The following ZIC2 variants were observed in gnomAD, a reference collection of about 807,000 sequenced individuals.
The protein encoded by ZIC2 is zinc finger protein ZIC 2.
In ZIC2, 7 loss-of-function variants were observed where a neutral mutation model predicts 29.5. That is an observed-to-expected ratio of 0.24 (90% CI 0.14 to 0.45). The LOEUF (loss-of-function observed/expected upper bound fraction) is 0.45, where lower values mean the gene tolerates loss of function less well. Among genes scored for constraint, ZIC2 ranks in the 20% least tolerant of loss-of-function variants. ZIC2 has a pLI of 1.00. For missense variants in ZIC2, 589 were observed against 781.2 expected, an observed-to-expected ratio of 0.75 and a Z score of 2.93; for synonymous variants, 408 against 354.2, an observed-to-expected ratio of 1.15 and a Z score of -1.70.
Position 99,985,783 on chromosome 13 carries a change from T to A in ZIC2, c.*101T>A, listed in dbSNP as rs1284587074. ...CCTTGTGATCATGTTGTTAAAATTATGAATCTGATTTTTATGATGATGAAA... is the reference window on the plus strand; with the variant it reads ...CCTTGTGATCATGTTGTTAAAATTAAGAATCTGATTTTTATGATGATGAAA... On this transcript the variant is annotated 3_prime_UTR_variant, in exon 3 of 3. Coordinates refer to ENST00000376335, the MANE Select transcript of ZIC2 (RefSeq NM_007129.5). This position sits in a 1 kb window ranked among gnomAD's most constrained non-coding sequence, Gnocchi z 6.3. 3.2e-6 allele frequency: 2 copies of A among 620,582 alleles called. No homozygotes were observed. The highest frequency in any genetic ancestry group is 4.5e-6 in the Non-Finnish European group (2 of 449,152). 38.4% of individuals were successfully genotyped at this position (620,582 alleles called of 1,614,324 possible).
chr13:99,983,271 C>A lies in ZIC2; in HGVS notation c.1075+132C>A. The A allele has an allele frequency of 1.7e-6, 2 of 1,210,174 alleles. No homozygotes were observed. Among genetic ancestry groups the A allele is most frequent in the Non-Finnish European group, 1.1e-6 (1 of 880,182 alleles). The allele number at this position is 1,210,174 out of a possible 1,614,324, so 75.0% of individuals were successfully genotyped here. ...GGGATGGGAGGTGTTTTTGCGTGTA[C>A]GAAAGAGCCAGCAGCTTGTTTCTGT... On this transcript the variant is annotated intron_variant, in intron 1 of 2. Coordinates refer to ENST00000376335, the MANE Select transcript of ZIC2 (RefSeq NM_007129.5). This position sits in a 1 kb window ranked among gnomAD's most constrained non-coding sequence, Gnocchi z 4.7.
At position 99,985,435 on chromosome 13, in the gene ZIC2, C is replaced by T. The variant is rs752965358; in HGVS notation, c.1352C>T (p.Ser451Phe). 2.0e-6 allele frequency: 3 copies of T among 1,493,076 alleles called. No individual in the cohort carries two copies. The highest frequency in any genetic ancestry group is 2.7e-6 in the Non-Finnish European group (3 of 1,130,128). 92.5% of individuals were successfully genotyped at this position (1,493,076 alleles called of 1,614,324 possible). A position where few individuals can be genotyped will look rare whatever the true frequency, so the allele number is the denominator to read the frequency against. Reference sequence around the variant, plus strand: ...CCCAGCGCCGAGCCCCAGAGCAGCTCCAACCTGTCCCCAGCGGCGGCGGCA... The same window carrying T: ...CCCAGCGCCGAGCCCCAGAGCAGCTTCAACCTGTCCCCAGCGGCGGCGGCA... ...VSPSAEPQSS[S>F]NLSPAAAAAA... The change falls in exon 3 of 3, where the codon TCC becomes TTC. Residue 451 changes from serine (S) to phenylalanine (F), a missense_variant. Ser to Phe is a radical substitution (Grantham distance 155). This residue lies in a region of ZIC2 where 135 missense variants were observed against 136.7 expected (regional missense o/e 0.99). Coordinates refer to ENST00000376335, the MANE Select transcript of ZIC2 (RefSeq NM_007129.5). The surrounding 1 kb of genome is among the most constrained non-coding windows in gnomAD (Gnocchi z 6.3).
rs2053257765 is a variant in ZIC2 at position 99,985,181 on chromosome 13, C to CA, written c.1239+73dup. The stretch of plus-strand genomic sequence containing the variant: ...GGTGCAGCACTGGCCCGGACCACCT[C>CA]AGCCGGCCTGGGAGGGTCCCCAGGG... On this transcript the variant is annotated intron_variant, in intron 2 of 2. Transcript: ENST00000376335. The surrounding 1 kb of genome is among the most constrained non-coding windows in gnomAD (Gnocchi z 6.3). The CA allele has an allele frequency of 8.7e-6, 14 of 1,610,568 alleles. No homozygotes were observed. In the Admixed American group the frequency reaches 2.2e-4, roughly 25 times the overall value.
At position 99,982,659 on chromosome 13, in the gene ZIC2, A is replaced by T; in HGVS notation, c.595A>T (p.Ser199Cys). The change falls in exon 1 of 3, where the codon AGC becomes TGC. Residue 199 changes from serine to cysteine, a missense_variant. Ser to Cys is a moderately radical substitution (Grantham distance 112). Around this residue, in one of 7 missense-constraint regions of ZIC2, gnomAD observed 358 missense variants for 382.0 expected, o/e 0.94. Transcript: ENST00000376335. ...GRSEQYRQVA[S>C]PRTDPYSAAQ... ...CTCGGAGCAATACCGCCAGGTGGCC[A>T]GCCCGCGGACCGACCCCTACTCGGC... 1 of 1,599,522 alleles carries T rather than the reference A, an allele frequency of 6.3e-7. No homozygotes were observed. Among genetic ancestry groups the T allele is most frequent in the Non-Finnish European group, 8.5e-7 (1 of 1,179,228 alleles).
At position 99,985,248 on chromosome 13, in the gene ZIC2, C is replaced by T. The variant is rs1594291960; in HGVS notation, c.1240-75C>T. 6 of 1,603,104 alleles carry T rather than the reference C, an allele frequency of 3.7e-6. No homozygotes were observed. The South Asian group carries it at 6.6e-5, about 18-fold the overall frequency. Reference sequence around the variant, plus strand: ...GAACATTTCTGGGGGTGCTCTCCCCCAGGGGCCCGGCCCCACAGCAGCTGC... The same window carrying T: ...GAACATTTCTGGGGGTGCTCTCCCCTAGGGGCCCGGCCCCACAGCAGCTGC... On this transcript the variant is annotated intron_variant, in intron 2 of 2. Coordinates refer to ENST00000376335, the MANE Select transcript of ZIC2 (RefSeq NM_007129.5). This position sits in a 1 kb window ranked among gnomAD's most constrained non-coding sequence, Gnocchi z 6.3.
chr13:99,983,258 G>T lies in ZIC2; in HGVS notation c.1075+119G>T. 7.5e-7 allele frequency: 1 copy of T among 1,340,466 alleles called. No individual in the cohort carries two copies. 83.0% of individuals were successfully genotyped at this position (1,340,466 alleles called of 1,614,324 possible). On this transcript the variant is annotated intron_variant, in intron 1 of 2. Coordinates refer to ENST00000376335, the MANE Select transcript of ZIC2 (RefSeq NM_007129.5). This position sits in a 1 kb window ranked among gnomAD's most constrained non-coding sequence, Gnocchi z 4.7. ...CAGCCGGGGACCTGGGATGGGAGGT[G>T]TTTTTGCGTGTACGAAAGAGCCAGC... is the stretch of plus-strand genomic sequence containing the variant.
Position 99,985,929 on chromosome 13 carries a change from A to G in ZIC2, c.*247A>G, listed in dbSNP as rs2053266439. On this transcript the variant is annotated 3_prime_UTR_variant, in exon 3 of 3. Transcript: ENST00000376335. The surrounding 1 kb of genome is among the most constrained non-coding windows in gnomAD (Gnocchi z 6.3). ...GCTGAAAATATAAAACAAATAAAAA[A>G]TAAAAAAATAAAAACCCACAAAAAT... is the stretch of plus-strand genomic sequence containing the variant. 2.7e-6 allele frequency: 1 copy of G among 370,380 alleles called. No homozygotes were observed. The highest frequency in any genetic ancestry group is 3.8e-5 in the Admixed American group (1 of 26,072). The allele number at this position is 370,380 out of a possible 1,614,324, so 22.9% of individuals were successfully genotyped here.
rs760314965 is a variant in ZIC2 at position 99,985,016 on chromosome 13, G to A, written c.1146G>A (p.Lys382=). The change falls in exon 2 of 3, where the codon AAG becomes AAA. Residue 382 remains lysine (K), a synonymous_variant. Transcript: ENST00000376335. The surrounding 1 kb of genome is among the most constrained non-coding windows in gnomAD (Gnocchi z 6.3). ...TCGCCAACAGCAGCGACAGGAAGAA[G>A]CACATGCACGTCCACACCTCCGATA... ...RRFANSSDRK[K]HMHVHTSDKP... 5.0e-6 allele frequency: 8 copies of A among 1,614,058 alleles called. No homozygotes were observed. In the Admixed American group the frequency reaches 1.2e-4, roughly 24 times the overall value.
Position 99,986,546 on chromosome 13 carries a change from ACCCGTTAC to A in ZIC2, c.*866_*873del, listed in dbSNP as rs2053271256. 1.3e-5 allele frequency: 2 copies of A among 153,460 alleles called. No individual in the cohort carries two copies. Among genetic ancestry groups the A allele is most frequent in the Admixed American group, 1.3e-4 (2 of 15,412 alleles). 9.5% of individuals were successfully genotyped at this position (153,460 alleles called of 1,614,324 possible). ...TAATAACACCCTTCCTTCTGTAAAT[ACCCGTTAC>A]CATATTTATCCATTTGTAATTAAAT... On this transcript the variant is annotated 3_prime_UTR_variant, in exon 3 of 3. Coordinates refer to ENST00000376335, the MANE Select transcript of ZIC2 (RefSeq NM_007129.5).
At position 99,985,566 on chromosome 13, in the gene ZIC2, A is replaced by G; in HGVS notation, c.1483A>G (p.Ser495Gly). The stretch of plus-strand genomic sequence containing the variant: ...AGGCGGCTCAGGCGGCGGCAGCGGC[A>G]GTGGCGGGGGCGGCGGCGGGGCGGG... ...AGGGSGGGSG[S>G]GGGGGGAGGG... Residue 495 changes from serine to glycine, a missense_variant, in exon 3 of 3, where the codon AGT becomes GGT. Transcript: ENST00000376335. The surrounding 1 kb of genome is among the most constrained non-coding windows in gnomAD (Gnocchi z 6.3). 3 of 903,224 alleles carry G rather than the reference A, an allele frequency of 3.3e-6. No individual in the cohort carries two copies. Among genetic ancestry groups the G allele is most frequent in the Non-Finnish European group, 3.9e-6 (3 of 760,510 alleles). The allele number at this position is 903,224 out of a possible 1,614,324, so 56.0% of individuals were successfully genotyped here.
In ZIC2 at chr13:99,983,171, G is replaced by T; in HGVS notation, c.1075+32G>T. ...GCGGGCTGGGACAGGGACCAGGCGC[G>T]GAGGGGAGACACGCACAGGCTGAGA... is the stretch of plus-strand genomic sequence containing the variant. On this transcript the variant is annotated intron_variant, in intron 1 of 2. Transcript: ENST00000376335. This position sits in a 1 kb window ranked among gnomAD's most constrained non-coding sequence, Gnocchi z 4.7. 2 of 1,608,960 alleles carry T rather than the reference G, an allele frequency of 1.2e-6. No homozygotes were observed. Among genetic ancestry groups the T allele is most frequent in the Non-Finnish European group, 1.7e-6 (2 of 1,177,996 alleles).
Position 99,982,231 on chromosome 13 carries a change from A to T in ZIC2, c.167A>T (p.His56Leu). 6.6e-7 allele frequency: 1 copy of T among 1,509,218 alleles called. No homozygotes were observed. The highest frequency in any genetic ancestry group is 8.8e-7 in the Non-Finnish European group (1 of 1,135,176). The allele number at this position is 1,509,218 out of a possible 1,614,324, so 93.5% of individuals were successfully genotyped here. ...QNGFVDSAAAHMGAFKLNPGA... is the reference protein window; with the variant it reads ...QNGFVDSAAALMGAFKLNPGA... ...GGCTTCGTTGACTCCGCCGCCGCGCACATGGGAGCCTTCAAGCTCAACCCG... is the reference window on the plus strand; with the variant it reads ...GGCTTCGTTGACTCCGCCGCCGCGCTCATGGGAGCCTTCAAGCTCAACCCG... The change falls in exon 1 of 3, where the codon CAC (histidine) becomes CTC (leucine). Residue 56 changes from histidine (H) to leucine (L), a missense_variant. Transcript: ENST00000376335.
chr13:99,984,931 G>T lies in ZIC2; in HGVS notation c.1076-15G>T. 6.2e-7 allele frequency: 1 copy of T among 1,613,986 alleles called. No homozygotes were observed. The highest frequency in any genetic ancestry group is 8.5e-7 in the Non-Finnish European group (1 of 1,179,908). On this transcript the variant is annotated splice_polypyrimidine_tract_variant and intron_variant, in intron 1 of 2. Transcript: ENST00000376335. Reference sequence around the variant, plus strand: ...CTGGGTGTCTGCAGCCAGCGCCGATGTTTGCCGTCCACAGGGGAGAAGCCG... The same window carrying T: ...CTGGGTGTCTGCAGCCAGCGCCGATTTTTGCCGTCCACAGGGGAGAAGCCG...
At position 99,986,202 on chromosome 13, in the gene ZIC2, TTAAG is replaced by T. The variant is rs2053269003; in HGVS notation, c.*524_*527del. 1 of 312,160 alleles carries T rather than the reference TTAAG, an allele frequency of 3.2e-6. No individual in the cohort carries two copies. Among genetic ancestry groups the T allele is most frequent in the South Asian group, 2.8e-5 (1 of 35,422 alleles). 19.3% of individuals were successfully genotyped at this position (312,160 alleles called of 1,614,324 possible). A position where few individuals can be genotyped will look rare whatever the true frequency, so the allele number is the denominator to read the frequency against. ...TCTTTTTAGTTTACCCGGTTTCTTT[TTAAG>T]TAATGTGGAAGAAAATGGTTTATTT... On this transcript the variant is annotated 3_prime_UTR_variant, in exon 3 of 3. Transcript: ENST00000376335.
rs773003744 is a variant in ZIC2 at position 99,985,279 on chromosome 13, C to T, written c.1240-44C>T. The T allele has an allele frequency of 1.9e-6, 3 of 1,600,512 alleles. No individual in the cohort carries two copies. The highest frequency in any genetic ancestry group is 3.3e-5 in the Admixed American group (2 of 59,958). On this transcript the variant is annotated intron_variant, in intron 2 of 2. Coordinates refer to ENST00000376335, the MANE Select transcript of ZIC2 (RefSeq NM_007129.5). This position sits in a 1 kb window ranked among gnomAD's most constrained non-coding sequence, Gnocchi z 6.3. ...CCCGGCCCCACAGCAGCTGCACTCACACCCAGTCCCCTCTGGTCCCCCCTC... is the reference window on the plus strand; with the variant it reads ...CCCGGCCCCACAGCAGCTGCACTCATACCCAGTCCCCTCTGGTCCCCCCTC...
chr13:99,982,157 T>C lies in ZIC2; in HGVS notation c.93T>C (p.Ala31=), dbSNP rs1284834612. ...HHHSAAAAAA[A]AAEMQDRELS... ...ACTCCGCCGCGGCGGCGGCGGCGGC[T>C]GCCGCCGAGATGCAGGACCGTGAAC... Residue 31 remains alanine, a synonymous_variant, in exon 1 of 3, where the codon GCT becomes GCC. Coordinates refer to ENST00000376335, the MANE Select transcript of ZIC2 (RefSeq NM_007129.5). 10 of 1,346,316 alleles carry C rather than the reference T, an allele frequency of 7.4e-6. No individual in the cohort carries two copies. The highest frequency in any genetic ancestry group is 2.3e-4 in the Middle Eastern group (1 of 4,372). 83.4% of individuals were successfully genotyped at this position (1,346,316 alleles called of 1,614,324 possible). A position where few individuals can be genotyped will look rare whatever the true frequency, so the allele number is the denominator to read the frequency against.
At position 99,985,028 on chromosome 13, in the gene ZIC2, C is replaced by T. The variant is rs1594291832; in HGVS notation, c.1158C>T (p.Val386=). The T allele has an allele frequency of 6.2e-7, 1 of 1,614,180 alleles. No individual in the cohort carries two copies. The highest frequency in any genetic ancestry group is 1.7e-5 in the Admixed American group (1 of 60,034). ...NSSDRKKHMH[V]HTSDKPYLCK... is the part of the protein sequence containing the mutation. Reference sequence around the variant, plus strand: ...GCGACAGGAAGAAGCACATGCACGTCCACACCTCCGATAAGCCCTATCTCT... The same window carrying T: ...GCGACAGGAAGAAGCACATGCACGTTCACACCTCCGATAAGCCCTATCTCT... Residue 386 remains valine (V), a synonymous_variant, in exon 2 of 3, where the codon GTC becomes GTT. Coordinates refer to ENST00000376335, the MANE Select transcript of ZIC2 (RefSeq NM_007129.5). This position sits in a 1 kb window ranked among gnomAD's most constrained non-coding sequence, Gnocchi z 6.3.
At position 99,986,243 on chromosome 13, in the gene ZIC2, A is replaced by G; in HGVS notation, c.*561A>G. ...AAAATGGTTTATTTTGTATTGTGGTATTGAATATTGTGTTCCTTTTTATGA... is the reference window on the plus strand; with the variant it reads ...AAAATGGTTTATTTTGTATTGTGGTGTTGAATATTGTGTTCCTTTTTATGA... On this transcript the variant is annotated 3_prime_UTR_variant, in exon 3 of 3. Coordinates refer to ENST00000376335, the MANE Select transcript of ZIC2 (RefSeq NM_007129.5). 3.1e-6 allele frequency: 1 copy of G among 318,430 alleles called. No individual in the cohort carries two copies. Among genetic ancestry groups the G allele is most frequent in the Non-Finnish European group, 6.1e-6 (1 of 163,458 alleles). 19.7% of individuals were successfully genotyped at this position (318,430 alleles called of 1,614,324 possible). A position where few individuals can be genotyped will look rare whatever the true frequency, so the allele number is the denominator to read the frequency against.
Position 99,985,174 on chromosome 13 carries a change from A to C in ZIC2, c.1239+65A>C. The C allele has an allele frequency of 6.2e-7, 1 of 1,611,108 alleles. No homozygotes were observed. ...AGGCGCCGGTGCAGCACTGGCCCGG[A>C]CCACCTCAGCCGGCCTGGGAGGGTC... On this transcript the variant is annotated intron_variant, in intron 2 of 2. Coordinates refer to ENST00000376335, the MANE Select transcript of ZIC2 (RefSeq NM_007129.5). The surrounding 1 kb of genome is among the most constrained non-coding windows in gnomAD (Gnocchi z 6.3).
Sources: allele counts gnomAD v4.1 joint callset, GRCh38; gene constraint gnomAD v4.1.1; regional missense constraint gnomAD v4.1.1; non-coding constraint Gnocchi (gnomAD v3.1); transcripts MANE v1.5; gene names NCBI Gene and HGNC (gene_info 2026-07-23, HGNC 2026-07-21).